LRRC41: variants seen among roughly 807,000 people sequenced by gnomAD.
LRRC41 encodes the protein leucine rich repeat containing 41, also known as leucine-rich repeat-containing protein 41.
In LRRC41, 17 loss-of-function variants were observed where a neutral mutation model predicts 72.1. The observed-to-expected ratio is 0.24, with a 90% CI of 0.16 to 0.35. The LOEUF is 0.35. Among genes scored for constraint, LRRC41 ranks in the 10% least tolerant of loss-of-function variants. The probability of loss-of-function intolerance (pLI) is 1.00; values close to 1 mark genes in which losing one functional copy is unlikely to be tolerated. For missense variants in LRRC41, 759 were observed against 1,065.0 expected, an observed-to-expected ratio of 0.71 and a Z score of 4.00; for synonymous variants, 427 against 431.0, an observed-to-expected ratio of 0.99 and a Z score of 0.11.
Position 46,303,610 on chromosome 1 carries a change from C to A in LRRC41, c.-288G>T. On this transcript the variant is annotated 5_prime_UTR_variant, in exon 1 of 10. Transcript: ENST00000617190. Reference sequence around the variant, plus strand: ...CTCTGCCTGCGGCTGGTAGTACATGCCAATCTGAGCATGTGTTCGCGACCA... The same window carrying A: ...CTCTGCCTGCGGCTGGTAGTACATGACAATCTGAGCATGTGTTCGCGACCA... 2 of 1,144,442 alleles carry A rather than the reference C, an allele frequency of 1.7e-6. No individual in the cohort carries two copies. Among genetic ancestry groups the A allele is most frequent in the Non-Finnish European group, 2.5e-6 (2 of 802,870 alleles). The allele number at this position is 1,144,442 out of a possible 1,614,324, so 70.9% of individuals were successfully genotyped here.
At position 46,278,898 on chromosome 1, in the gene LRRC41, G is replaced by T. The variant is rs774417224; in HGVS notation, c.2406C>A (p.Ser802=). The T allele has an allele frequency of 6.2e-7, 1 of 1,612,832 alleles. No homozygotes were observed. Among genetic ancestry groups the T allele is most frequent in the Non-Finnish European group, 8.5e-7 (1 of 1,179,730 alleles). ...CHVVSDSWDS[S]QAFADYVSTM ...TGCTAACATAATCTGCGAAGGCCTGGGATGAGTCCCATGAGTCGCTAACCA... is the reference window on the plus strand; with the variant it reads ...TGCTAACATAATCTGCGAAGGCCTGTGATGAGTCCCATGAGTCGCTAACCA... Residue 802 remains serine (S), a synonymous_variant, in exon 10 of 10, where the codon TCC becomes TCA. Coordinates refer to ENST00000617190, the MANE Select transcript of LRRC41 (RefSeq NM_006369.5).
At position 46,303,107 on chromosome 1, in the gene LRRC41, C is replaced by T. The variant is rs769562107; in HGVS notation, c.199+17G>A. 2.0e-5 allele frequency: 27 copies of T among 1,384,382 alleles called. No homozygotes were observed. In the African/African-American group the frequency reaches 3.8e-4, roughly 19 times the overall value. 85.8% of individuals were successfully genotyped at this position (1,384,382 alleles called of 1,614,324 possible). On this transcript the variant is annotated intron_variant, in intron 1 of 9. Transcript: ENST00000617190. ...CCTTGCTCTTAGCCAGAGGTAGCCCCTCACCCCGCGACTTACCCCACACCC... is the reference window on the plus strand; with the variant it reads ...CCTTGCTCTTAGCCAGAGGTAGCCCTTCACCCCGCGACTTACCCCACACCC...
At chr1:46,301,831 C>T (rs934274839) in intron 1 of LRRC41, 4 of 449,838 alleles carry the variant, frequency 8.9e-6, no homozygotes, top group African/African-American at 2.1e-5. Flanking sequence ...TCTCCTGCCC[C>T]CCTCCCCAGC....
At position 46,278,419 on chromosome 1, in the gene LRRC41, AT is replaced by A; in HGVS notation, c.*445del. On this transcript the variant is annotated 3_prime_UTR_variant, in exon 10 of 10. Transcript: ENST00000617190. ...GCTGCATGATGTTTGCCCAAAATTTATTTTATAAGAAAAACTTTTTTGGTTA... is the reference window on the plus strand; with the variant it reads ...GCTGCATGATGTTTGCCCAAAATTTATTTATAAGAAAAACTTTTTTGGTTA... 3 of 1,051,484 alleles carry A rather than the reference AT, an allele frequency of 2.9e-6. No individual in the cohort carries two copies. The highest frequency in any genetic ancestry group is 4.2e-6 in the Non-Finnish European group (3 of 714,228). The allele number at this position is 1,051,484 out of a possible 1,614,324, so 65.1% of individuals were successfully genotyped here.
chr1:46,285,426 G>A lies in LRRC41; in HGVS notation c.1431C>T (p.Ala477=). The part of the protein sequence containing the change: ...LFTVPLSTEA[A]LTLCHLLSSW... ...AGCTCAGCAGGTGGCATAGTGTCAGGGCTGCCTCTGTGGAGAGTGGAACTG... is the reference window on the plus strand; with the variant it reads ...AGCTCAGCAGGTGGCATAGTGTCAGAGCTGCCTCTGTGGAGAGTGGAACTG... The change falls in exon 4 of 10, where the codon GCC becomes GCT. Residue 477 remains alanine, a synonymous_variant. Coordinates refer to ENST00000617190, the MANE Select transcript of LRRC41 (RefSeq NM_006369.5). This position sits in a 1 kb window ranked among gnomAD's most constrained non-coding sequence, Gnocchi z 5.3. The A allele has an allele frequency of 1.2e-6, 2 of 1,614,196 alleles. No individual in the cohort carries two copies. Among genetic ancestry groups the A allele is most frequent in the East Asian group, 4.5e-5 (2 of 44,878 alleles).
chr1:46,297,545 C>T lies in LRRC41; in HGVS notation c.357+18G>A. 6.2e-7 allele frequency: 1 copy of T among 1,610,024 alleles called. No homozygotes were observed. Among genetic ancestry groups the T allele is most frequent in the Non-Finnish European group, 8.5e-7 (1 of 1,176,336 alleles). ...CATGCAAAATCAGGCTAGCATTCTACCTGATACCTTAACTTACTTCCAAAC... is the reference window on the plus strand; with the variant it reads ...CATGCAAAATCAGGCTAGCATTCTATCTGATACCTTAACTTACTTCCAAAC... On this transcript the variant is annotated intron_variant, in intron 3 of 9. Coordinates refer to ENST00000617190, the MANE Select transcript of LRRC41 (RefSeq NM_006369.5).
Position 46,278,791 on chromosome 1 carries a change from G to C in LRRC41, c.*74C>G. 4 of 1,372,268 alleles carry C rather than the reference G, an allele frequency of 2.9e-6. No individual in the cohort carries two copies. Among genetic ancestry groups the C allele is most frequent in the Non-Finnish European group, 4.1e-6 (4 of 979,292 alleles). The allele number at this position is 1,372,268 out of a possible 1,614,324, so 85.0% of individuals were successfully genotyped here. A position where few individuals can be genotyped will look rare whatever the true frequency, so the allele number is the denominator to read the frequency against. ...AGAGAAAGATAGAACTGGTGGTTGG[G>C]GTTCTGGGCAGCCCATGCTTCAGCC... On this transcript the variant is annotated 3_prime_UTR_variant, in exon 10 of 10. Coordinates refer to ENST00000617190, the MANE Select transcript of LRRC41 (RefSeq NM_006369.5).
intron 3 of LRRC41, among the ~76,000 whole-genome samples, chr1:46,287,471 G>C (rs747100367): frequency 6.6e-6 from 1 of 152,210 alleles, no homozygotes; most frequent in South Asian, 2.1e-4. Flanking sequence ...CTAGCTTCCT[G>C]ATTGCTTTCC....
At chr1:46,284,389 T>A (rs1034588893) in intron 4 of LRRC41, 3 of 152,128 alleles carry the variant, frequency 2.0e-5, no homozygotes, top group African/African-American at 7.2e-5. Context: ...CCTCATAGGG[T>A]TGTGAGGATT....
At position 46,303,416 on chromosome 1, in the gene LRRC41, G is replaced by C. The variant is rs1661291835; in HGVS notation, c.-94C>G. Reference sequence around the variant, plus strand: ...ACGGCTCCATAAGCGATATGGGGAAGAATGTGAATTATTCTAAAGAAATTT... The same window carrying C: ...ACGGCTCCATAAGCGATATGGGGAACAATGTGAATTATTCTAAAGAAATTT... On this transcript the variant is annotated 5_prime_UTR_variant, in exon 1 of 10. Transcript: ENST00000617190. The C allele has an allele frequency of 8.6e-7, 1 of 1,166,502 alleles. No homozygotes were observed. 72.3% of individuals were successfully genotyped at this position (1,166,502 alleles called of 1,614,324 possible). A position where few individuals can be genotyped will look rare whatever the true frequency, so the allele number is the denominator to read the frequency against.
intron 1 of LRRC41, among the ~76,000 whole-genome samples, chr1:46,301,252 C>A (rs1164840747): frequency 1.3e-5 from 2 of 152,134 alleles, no homozygotes; most frequent in African/African-American, 4.8e-5. Flanking sequence ...CTAGCCTGCA[C>A]CTTTAATGCT....
At chr1:46,289,419 A>T (rs1660955195) in intron 3 of LRRC41, among the ~76,000 whole-genome samples, 1 of 152,036 alleles carries the variant, frequency 6.6e-6, no homozygotes, top group Non-Finnish European at 1.5e-5. Flanking sequence ...CTCACAAATT[A>T]ACGTACGAGC....
chr1:46,303,044 C>G, intron 1 of LRRC41, 80 bp downstream of exon 1: 1 of 1,340,998 alleles, frequency 7.5e-7, no homozygotes, highest in Non-Finnish European at 9.5e-7. Context: ...CCGGGCCTCC[C>G]GGCCTCGCCC....
At chr1:46,293,526 A>G (rs1405990546) in intron 3 of LRRC41, among the ~76,000 whole-genome samples, 1 of 152,040 alleles carries the variant, frequency 6.6e-6, no homozygotes, top group Non-Finnish European at 1.5e-5. Context: ...TGTAGGCATG[A>G]GCCATCACAC....
At position 46,280,509 on chromosome 1, in the gene LRRC41, G is replaced by T; in HGVS notation, c.1808C>A (p.Ala603Asp). The stretch of plus-strand genomic sequence containing the variant: ...CTTCAGAACGGAGCACAGCAGTGGG[G>T]CTGGCTGGGCTCCCCGTGGAAATCC... ...EMGFPRGAQP[A>D]PLLCSVLKAS... is the part of the protein sequence containing the mutation. Residue 603 changes from alanine (A) to aspartate (D), a missense_variant, in exon 6 of 10, where the codon GCC becomes GAC. This residue lies in a region of LRRC41 where 427 missense variants were observed against 520.9 expected (regional missense o/e 0.82). Transcript: ENST00000617190. 6.2e-7 allele frequency: 1 copy of T among 1,614,138 alleles called. No homozygotes were observed. Among genetic ancestry groups the T allele is most frequent in the Non-Finnish European group, 8.5e-7 (1 of 1,180,024 alleles).
rs1359414816 is a variant in LRRC41, at chr1:46,285,519, G to A, written c.1338C>T (p.Ser446=). ...CTTCCAGTGCTGGAAGCCCCAGGCA[G>A]CTGGGATCTGATCCATCCAAAGCTC... is the stretch of plus-strand genomic sequence containing the variant. ...ACGALDGSDP[S]CLGLPALEAS... Residue 446 remains serine (S), a synonymous_variant, in exon 4 of 10, where the codon AGC becomes AGT. Coordinates refer to ENST00000617190, the MANE Select transcript of LRRC41 (RefSeq NM_006369.5). The surrounding 1 kb of genome is among the most constrained non-coding windows in gnomAD (Gnocchi z 5.3). 6.2e-7 allele frequency: 1 copy of A among 1,614,014 alleles called. No homozygotes were observed. Among genetic ancestry groups the A allele is most frequent in the Middle Eastern group, 1.6e-4 (1 of 6,082 alleles).
At chr1:46,298,474 A>G in intron 1 of LRRC41, 104 bp from the exon 2 acceptor site, 3 of 657,578 alleles carry the variant, frequency 4.6e-6, no homozygotes, top group Non-Finnish European at 7.7e-6. Context: ...GGAAGGGTAG[A>G]CTTCTCATTT....
chr1:46,278,648 G>A lies in LRRC41; in HGVS notation c.*217C>T. 1 of 614,972 alleles carries A rather than the reference G, an allele frequency of 1.6e-6. No homozygotes were observed. The highest frequency in any genetic ancestry group is 2.0e-5 in the South Asian group (1 of 49,510). The allele number at this position is 614,972 out of a possible 1,614,324, so 38.1% of individuals were successfully genotyped here. A position where few individuals can be genotyped will look rare whatever the true frequency, so the allele number is the denominator to read the frequency against. ...TGGCCCAGGGTTCCCAGGATACTGA[G>A]TAAGGGGCCCAAAGACTATAAACCC... On this transcript the variant is annotated 3_prime_UTR_variant, in exon 10 of 10. Coordinates refer to ENST00000617190, the MANE Select transcript of LRRC41 (RefSeq NM_006369.5).
intron 4 of LRRC41, chr1:46,284,149 C>G (rs1194606812): frequency 6.6e-6 from 1 of 152,148 alleles, no homozygotes; most frequent in Non-Finnish European, 1.5e-5. Flanking sequence ...GAAGTGGAAA[C>G]AGTACAGATA....
Sources: allele counts gnomAD v4.1 joint callset (sites outside exome capture counted in the v4.1 genomes callset), GRCh38; gene constraint gnomAD v4.1.1; regional missense constraint gnomAD v4.1.1; non-coding constraint Gnocchi (gnomAD v3.1); transcripts MANE v1.5; gene names NCBI Gene and HGNC (gene_info 2026-07-23, HGNC 2026-07-21).